The following CHRM3 variants were observed in gnomAD, a reference collection of about 807,000 sequenced individuals.
CHRM3 encodes the protein cholinergic receptor muscarinic 3.
A neutral mutation model predicts 41.8 loss-of-function variants in CHRM3; 11 were observed. That is an observed-to-expected ratio of 0.26 (90% CI 0.17 to 0.44). CHRM3 has a LOEUF of 0.44. Among genes scored for constraint, CHRM3 ranks in the 20% least tolerant of loss-of-function variants. The pLI, the probability that CHRM3 is intolerant of heterozygous loss-of-function variation, is 1.00. For synonymous variants in CHRM3, 297 were observed against 301.4 expected, an observed-to-expected ratio of 0.99 and a Z score of 0.15; for missense variants, 571 against 745.4, an observed-to-expected ratio of 0.77 and a Z score of 2.72.
At chr1:239,890,294 C>T (rs1678442095) in intron 6 of CHRM3, among the ~76,000 whole-genome samples, 1 of 151,498 alleles carries the variant, frequency 6.6e-6, no homozygotes, top group African/African-American at 2.4e-5. Context: ...TTGTGGTGAG[C>T]CGAAATCATG....
In CHRM3 at chr1:239,542,747, C is replaced by T. The variant is rs556431980; in HGVS notation, c.-421-2894C>T. ...AATGAAATGGGCAACCACTTAGCGGCCTTCTTATTTATTTGGGCTTAATTA... is the reference window on the plus strand; with the variant it reads ...AATGAAATGGGCAACCACTTAGCGGTCTTCTTATTTATTTGGGCTTAATTA... On this transcript the variant is annotated intron_variant, in intron 2 of 6. Transcript: ENST00000676153. 6.6e-5 allele frequency among the ~76,000 whole-genome samples: 10 copies of T among 152,106 alleles called. No homozygotes were observed. In the East Asian group the frequency reaches 9.7e-4, roughly 15 times the overall value.
chr1:239,776,246 T>C (rs779397079), intron 5 of CHRM3, among the ~76,000 whole-genome samples: 1 of 152,190 alleles, frequency 6.6e-6, no homozygotes, highest in Non-Finnish European at 1.5e-5. Flanking sequence ...ACCAGCTTTG[T>C]GCCTCAGTTT....
chr1:239,832,100 T>G (rs1159413552), intron 6 of CHRM3, among the ~76,000 whole-genome samples: 3 of 152,192 alleles, frequency 2.0e-5, no homozygotes, highest in Non-Finnish European at 2.9e-5. Flanking sequence ...TGTCACTGAA[T>G]GTTTTACGGT....
intron 5 of CHRM3, chr1:239,718,763 C>G (rs1407166943): frequency 6.6e-6 from 1 of 151,982 alleles, no homozygotes; most frequent in African/African-American, 2.4e-5. Flanking sequence ...AATTTAACTA[C>G]CCTGTTGCCA....
chr1:239,647,090 A>G (rs919062499), intron 4 of CHRM3, among the ~76,000 whole-genome samples: 1 of 152,122 alleles, frequency 6.6e-6, no homozygotes, highest in Non-Finnish European at 1.5e-5. Context: ...TGTCTTTCAT[A>G]TTTAAATGTT....
Position 239,586,088 on chromosome 1 carries a change from T to TC in CHRM3, c.-313+40341dup, listed in dbSNP as rs773397433. Among the ~76,000 whole-genome samples, 76 of 152,288 alleles carry TC rather than the reference T, an allele frequency of 5.0e-4. 1 individual carries two copies. The highest frequency in any genetic ancestry group is 9.1e-4 in the Non-Finnish European group (62 of 68,016). ...TGTGTCTCTGAAAGAGTAATTTCTG[T>TC]CCACTCCCTGCCCTCCCGTGGGAGG... On this transcript the variant is annotated intron_variant, in intron 3 of 6. Coordinates refer to ENST00000676153, the MANE Select transcript of CHRM3 (RefSeq NM_001375978.1).
At chr1:239,415,333 G>C (rs12736600) in intron 1 of CHRM3, among the ~76,000 whole-genome samples, 4,060 of 152,130 alleles carry the variant, frequency 0.027, 91 homozygotes, top group Middle Eastern at 0.1. Flanking sequence ...TCAGCTACTC[G>C]GGAGGCTGAG....
chr1:239,781,714 A>C (rs1446607745), intron 5 of CHRM3, among the ~76,000 whole-genome samples: 1 of 152,108 alleles, frequency 6.6e-6, no homozygotes, highest in East Asian at 1.9e-4. Flanking sequence ...TGGGAAAGCT[A>C]CTAGTTTCTC....
chr1:239,731,803 G>GA (rs1663990820), intron 5 of CHRM3, among the ~76,000 whole-genome samples: 2 of 151,916 alleles, frequency 1.3e-5, no homozygotes, highest in South Asian at 4.2e-4. Context: ...CTCAAAAACA[G>GA]AAAAAATCTT....
At chr1:239,580,689 T>TTA (rs1165930612) in intron 3 of CHRM3, among the ~76,000 whole-genome samples, 1,449 of 65,134 alleles carry the variant, frequency 0.022, 62 homozygotes, top group African/African-American at 0.049. Context: ...TTGCCCAATT[T>TTA]TATATATATA....
intron 1 of CHRM3, among the ~76,000 whole-genome samples, chr1:239,447,636 C>T (rs910024314): frequency 6.6e-6 from 1 of 152,078 alleles, no homozygotes; most frequent in East Asian, 1.9e-4. Flanking sequence ...CTTAGCCGGG[C>T]GTGGTGGCAC....
At chr1:239,668,696 A>G (rs564397324) in intron 4 of CHRM3, among the ~76,000 whole-genome samples, 5 of 152,350 alleles carry the variant, frequency 3.3e-5, no homozygotes, top group African/African-American at 7.2e-5. Context: ...AACATTAAAA[A>G]TAACTCTCAA....
At chr1:239,878,218 T>C (rs911551758) in intron 6 of CHRM3, among the ~76,000 whole-genome samples, 6 of 152,040 alleles carry the variant, frequency 3.9e-5, no homozygotes, top group African/African-American at 1.4e-4. Flanking sequence ...CACCATAATG[T>C]AGAAGCAGTG....
intron 4 of CHRM3, among the ~76,000 whole-genome samples, chr1:239,633,457 G>C (rs923501362): frequency 1.3e-5 from 2 of 152,092 alleles, no homozygotes; most frequent in Non-Finnish European, 2.9e-5. Flanking sequence ...GGTTCGAGAT[G>C]ATATTTGGGT....
chr1:239,897,895 T>G (rs1385451806), intron 6 of CHRM3: 1 of 152,178 alleles, frequency 6.6e-6, no homozygotes, highest in Non-Finnish European at 1.5e-5. Context: ...ATGCAAATCC[T>G]TTTCCAAGCA....
chr1:239,602,110 G>GTGTGTGTGTA (rs1307023039), intron 3 of CHRM3, among the ~76,000 whole-genome samples: 109 of 112,836 alleles, frequency 9.7e-4, no homozygotes, highest in African/African-American at 3.5e-3. Context: ...GTGTGTGTGT[G>GTGTGTGTGTA]TATATATATA....
At chr1:239,859,577 G>T (rs532341893) in intron 6 of CHRM3, among the ~76,000 whole-genome samples, 88 of 151,376 alleles carry the variant, frequency 5.8e-4, no homozygotes, top group African/African-American at 2.0e-3. Flanking sequence ...ACGATGCTCA[G>T]CTAATTTTTA....
intron 6 of CHRM3, among the ~76,000 whole-genome samples, chr1:239,899,494 A>T (rs199862792): frequency 1.7e-5 from 1 of 58,044 alleles, no homozygotes; most frequent in African/African-American, 8.3e-5. Context: ...ACTCACACAC[A>T]TGTATATATA....
rs200301626 is a variant in CHRM3, at chr1:239,572,569, T to G, written c.-313+26820T>G. On this transcript the variant is annotated intron_variant, in intron 3 of 6. Coordinates refer to ENST00000676153, the MANE Select transcript of CHRM3 (RefSeq NM_001375978.1). The stretch of plus-strand genomic sequence containing the variant: ...CATTAGCAATCAGCAAACTCATAAA[T>G]GTTTGTCCCCATTGCTCTTTGAAAC... 2.1e-4 allele frequency among the ~76,000 whole-genome samples: 32 copies of G among 152,288 alleles called. No homozygotes were observed. The East Asian group carries it at 5.6e-3, about 27-fold the overall frequency.
Sources: gnomAD v4.1 joint callset for allele counts (sites outside exome capture counted in the v4.1 genomes callset) on GRCh38, gnomAD v4.1.1 for gene constraint, MANE v1.5 for transcripts, NCBI Gene and HGNC (gene_info 2026-07-23, HGNC 2026-07-21) for gene names.